The following VPS13B variants were observed in gnomAD, a reference collection of about 807,000 sequenced individuals.
The protein encoded by VPS13B is vacuolar protein sorting 13 homolog B, also known as intermembrane lipid transfer protein VPS13B.
VPS13B carries 285 observed loss-of-function variants against 426.4 expected under a neutral mutation model. The ratio of observed to expected loss-of-function variants is 0.67; its 90% CI spans 0.61 to 0.74. VPS13B has a LOEUF of 0.74. Among genes scored for constraint, VPS13B ranks in the 30% least tolerant of loss-of-function variants. VPS13B has a pLI of 0.00. For synonymous variants in VPS13B, 1,676 were observed against 1,676.4 expected, an observed-to-expected ratio of 1.00 and a Z score of 0.01; for missense variants, 4,537 against 4,782.6, an observed-to-expected ratio of 0.95 and a Z score of 1.51.
At chr8:99,097,726 G>C (rs1172747719) in intron 4 of VPS13B, among the ~76,000 whole-genome samples, 1 of 151,832 alleles carries the variant, frequency 6.6e-6, no homozygotes, top group Non-Finnish European at 1.5e-5. Flanking sequence ...GAAAACTAAA[G>C]ACAAAAAACA....
chr8:99,567,855 T>C (rs1221704557), intron 31 of VPS13B, among the ~76,000 whole-genome samples: 1 of 152,204 alleles, frequency 6.6e-6, no homozygotes, highest in Non-Finnish European at 1.5e-5. Context: ...CCTGGCACCA[T>C]AGGGAGCCCT....
At chr8:99,125,750 T>C (rs1848163140) in intron 8 of VPS13B, among the ~76,000 whole-genome samples, 1 of 152,184 alleles carries the variant, frequency 6.6e-6, no homozygotes, top group African/African-American at 2.4e-5. Context: ...CTGAATTGTA[T>C]ATTGACAAGT....
At chr8:99,487,002 G>C (rs1820343133) in intron 25 of VPS13B, among the ~76,000 whole-genome samples, 1 of 151,882 alleles carries the variant, frequency 6.6e-6, no homozygotes, top group African/African-American at 2.4e-5. Context: ...ACACCAGTAG[G>C]CTTAAAGGGC....
At chr8:99,107,073 C>G (rs1406647481) in intron 5 of VPS13B, among the ~76,000 whole-genome samples, 4 of 151,984 alleles carry the variant, frequency 2.6e-5, no homozygotes, top group Admixed American at 1.3e-4. Context: ...ATAGTGTAGG[C>G]CTATGTTAAG....
chr8:99,071,318 C>G (rs1054160330), intron 3 of VPS13B, among the ~76,000 whole-genome samples: 2 of 152,142 alleles, frequency 1.3e-5, no homozygotes, highest in Non-Finnish European at 2.9e-5. Flanking sequence ...CTGGGGGCAC[C>G]TGAAGCCTAG....
intron 39 of VPS13B, among the ~76,000 whole-genome samples, chr8:99,739,004 C>T (rs1405401754): frequency 6.6e-6 from 1 of 152,194 alleles, no homozygotes; most frequent in East Asian, 1.9e-4. Flanking sequence ...CGCATTGAGC[C>T]TGAGCCAAAG....
chr8:99,312,898 C>T (rs1289940522), intron 19 of VPS13B, among the ~76,000 whole-genome samples: 3 of 152,194 alleles, frequency 2.0e-5, no homozygotes, highest in Admixed American at 1.3e-4. Context: ...AACTTCTCTT[C>T]TCGCTTCATT....
Position 99,820,996 on chromosome 8 carries a change from C to T in VPS13B, c.8995-298C>T, listed in dbSNP as rs907885957. 7.3e-5 allele frequency among the ~76,000 whole-genome samples: 11 copies of T among 151,312 alleles called. No individual in the cohort carries two copies. The South Asian group carries it at 8.4e-4, about 12-fold the overall frequency. ...GCCTTTGGTATTTGCAGGGTAGTCA[C>T]TGTTTGGGTTTGGTTTTCCCCTCCC... On this transcript the variant is annotated intron_variant, in intron 49 of 61. Coordinates refer to ENST00000357162, the MANE Select transcript of VPS13B (RefSeq NM_152564.5).
At chr8:99,021,920 T>C (rs529038063) in intron 2 of VPS13B, among the ~76,000 whole-genome samples, 2 of 152,308 alleles carry the variant, frequency 1.3e-5, no homozygotes, top group East Asian at 3.9e-4. Flanking sequence ...AGGCTGGTGT[T>C]TATTATAAAG....
chr8:99,152,251 AT>A (rs1811116296), intron 14 of VPS13B, among the ~76,000 whole-genome samples: 1 of 152,082 alleles, frequency 6.6e-6, no homozygotes, highest in Non-Finnish European at 1.5e-5. Context: ...TTCTCTTGAG[AT>A]TTATTTCTTT....
At chr8:99,343,512 T>C (rs866392663) in intron 19 of VPS13B, among the ~76,000 whole-genome samples, 1 of 152,228 alleles carries the variant, frequency 6.6e-6, no homozygotes, top group Admixed American at 6.5e-5. Context: ...CTTCACTTTG[T>C]TAATTGCTTC....
chr8:99,181,384 G>A (rs1812938940), intron 16 of VPS13B, among the ~76,000 whole-genome samples: 2 of 152,148 alleles, frequency 1.3e-5, no homozygotes, highest in South Asian at 2.1e-4. Context: ...TTATGTGAGT[G>A]GTAGGTAATG....
intron 23 of VPS13B, among the ~76,000 whole-genome samples, chr8:99,459,999 A>G (rs1818742071): frequency 6.6e-6 from 1 of 152,142 alleles, no homozygotes; most frequent in Non-Finnish European, 1.5e-5. Context: ...GTTTTGAATG[A>G]AAGTGTTTCT....
chr8:99,520,813 A>T, intron 29 of VPS13B, 86 bp from the exon 30 acceptor site: 2 of 960,206 alleles, frequency 2.1e-6, no homozygotes, highest in Non-Finnish European at 3.4e-6. Flanking sequence ...ATGTGTCTCT[A>T]TTCCATTCCC....
chr8:99,399,856 T>C (rs921550971), intron 21 of VPS13B, among the ~76,000 whole-genome samples: 1 of 152,190 alleles, frequency 6.6e-6, no homozygotes, highest in Non-Finnish European at 1.5e-5. Context: ...ACTGGGTTTA[T>C]CTATTTTTAT....
At chr8:99,179,116 A>G (rs1002686808) in intron 16 of VPS13B, among the ~76,000 whole-genome samples, 1 of 152,172 alleles carries the variant, frequency 6.6e-6, no homozygotes, top group Non-Finnish European at 1.5e-5. Flanking sequence ...TCATTTATTC[A>G]TTAAAAAAAA....
Position 99,708,813 on chromosome 8 carries a change from T to TTC in VPS13B, c.6455-8344_6455-8343dup, listed in dbSNP as rs541780920. Among the ~76,000 whole-genome samples, 323 of 141,632 alleles carry TTC rather than the reference T, an allele frequency of 2.3e-3. 2 individuals carry two copies. The highest frequency in any genetic ancestry group is 7.6e-3 in the African/African-American group (264 of 34,690). 92.9% of individuals were successfully genotyped at this position (141,632 alleles called of 152,430 possible). A position where few individuals can be genotyped will look rare whatever the true frequency, so the allele number is the denominator to read the frequency against. On this transcript the variant is annotated intron_variant, in intron 36 of 61. Transcript: ENST00000357162. ...TATTTTAGTTTACCATATTAATAGG[T>TTC]TCTCTCTCTCTCTCTGTCTCTCTCT...
At chr8:99,026,490 A>T (rs563248041) in intron 2 of VPS13B, among the ~76,000 whole-genome samples, 11 of 152,266 alleles carry the variant, frequency 7.2e-5, no homozygotes, top group South Asian at 6.2e-4. Context: ...TTGAAATTTG[A>T]TATTTTTGGC....
At position 99,820,114 on chromosome 8, in the gene VPS13B, A is replaced by G; in HGVS notation, c.8986A>G (p.Asn2996Asp). ...TGCTGGCAAAATTATTATTCCTCCT[A>G]ATTTTCAGGTACTATAACTTTTTTA... ...VPAGKIIIPP[N>D]FQEAFQIGIY... Residue 2996 changes from asparagine to aspartate, a missense_variant, in exon 49 of 62, where the codon AAT (asparagine) becomes GAT (aspartate). Coordinates refer to ENST00000357162, the MANE Select transcript of VPS13B (RefSeq NM_152564.5). The G allele has an allele frequency of 6.2e-7, 1 of 1,613,688 alleles. No homozygotes were observed. The highest frequency in any genetic ancestry group is 1.1e-5 in the South Asian group (1 of 91,078).
Sources: gnomAD v4.1 joint callset for allele counts (sites outside exome capture counted in the v4.1 genomes callset) on GRCh38, gnomAD v4.1.1 for gene constraint, MANE v1.5 for transcripts, NCBI Gene and HGNC (gene_info 2026-07-23, HGNC 2026-07-21) for gene names.